Variants in HTR1E observed in about 807,000 individuals in gnomAD.
The protein encoded by HTR1E is 5-HT-1E.
A neutral mutation model predicts 3.4 loss-of-function variants in HTR1E; 3 were observed. The observed-to-expected ratio is 0.89, with a 90% CI of 0.41 to 2.31. HTR1E has a LOEUF of 2.31. Among genes scored for constraint, HTR1E ranks in the 30% most tolerant of loss-of-function variants. The probability of loss-of-function intolerance (pLI) is 0.05; values close to 1 mark genes in which losing one functional copy is unlikely to be tolerated. For missense variants in HTR1E, 392 were observed against 467.0 expected (o/e 0.84, Z 1.48); for synonymous variants, 170 against 182.8 (o/e 0.93, Z 0.56).
At chr6:86,987,506 T>C (rs1290726645) in intron 1 of HTR1E, among the ~76,000 whole-genome samples, 1 of 152,050 alleles carries the variant, frequency 6.6e-6, no homozygotes, top group Non-Finnish European at 1.5e-5. Flanking sequence ...TAGAAACATA[T>C]ATATATATAT....
chr6:86,958,395 C>G (rs564560771), intron 1 of HTR1E, among the ~76,000 whole-genome samples: 1 of 152,250 alleles, frequency 6.6e-6, no homozygotes, highest in South Asian at 2.1e-4. Context: ...CACAATGACC[C>G]CAAACATTCT....
At chr6:86,942,686 A>G (rs1336053609) in intron 1 of HTR1E, among the ~76,000 whole-genome samples, 1 of 152,252 alleles carries the variant, frequency 6.6e-6, no homozygotes, top group African/African-American at 2.4e-5. Context: ...ATTGGCAAGC[A>G]TATTTTATTT....
intron 1 of HTR1E, among the ~76,000 whole-genome samples, chr6:86,952,508 C>G (rs1258314234): frequency 6.6e-6 from 1 of 151,902 alleles, no homozygotes; most frequent in East Asian, 1.9e-4. Flanking sequence ...GACACACACA[C>G]ACACACACAC....
Position 87,001,146 on chromosome 6 carries a change from A to T in HTR1E, c.-185-14004A>T, listed in dbSNP as rs376679372. Among the ~76,000 whole-genome samples the T allele has an allele frequency of 1.2e-4, 19 of 152,320 alleles. 1 individual carries two copies. The East Asian group carries it at 3.1e-3, about 25-fold the overall frequency. ...AGCCTCATGGTAACCAAAAATCAAA[A>T]AATATATAACAAAGACACAAAAAAG... On this transcript the variant is annotated intron_variant, in intron 1 of 1. Coordinates refer to ENST00000305344, the MANE Select transcript of HTR1E (RefSeq NM_000865.3).
At chr6:86,966,032 C>A (rs1331214846) in intron 1 of HTR1E, among the ~76,000 whole-genome samples, 8 of 151,828 alleles carry the variant, frequency 5.3e-5, no homozygotes, top group Non-Finnish European at 8.8e-5. Flanking sequence ...TTCTCTAACA[C>A]CCACAAAAAA....
At chr6:87,013,016 G>T (rs146837577) in intron 1 of HTR1E, among the ~76,000 whole-genome samples, 41 of 152,284 alleles carry the variant, frequency 2.7e-4, no homozygotes, top group Non-Finnish European at 5.3e-4. Flanking sequence ...TCTAATGGAG[G>T]AACCAGATCC....
rs146287737 is a variant in HTR1E, at chr6:86,961,243, A to G, written c.-186+23420A>G. ...GGGATTTTTCATCTGTTTTAAAATC[A>G]TCTCCTCATGCCTTTACAATTAAAA... On this transcript the variant is annotated intron_variant, in intron 1 of 1. Coordinates refer to ENST00000305344, the MANE Select transcript of HTR1E (RefSeq NM_000865.3). Among the ~76,000 whole-genome samples, 4 of 152,318 alleles carry G rather than the reference A, an allele frequency of 2.6e-5. No homozygotes were observed. The East Asian group carries it at 7.7e-4, about 29-fold the overall frequency.
chr6:86,981,228 C>T (rs925644989), intron 1 of HTR1E, among the ~76,000 whole-genome samples: 8 of 152,206 alleles, frequency 5.3e-5, no homozygotes, highest in Non-Finnish European at 1.2e-4. Flanking sequence ...TTGCTGCTTA[C>T]TGACTGCTCT....
At chr6:87,004,884 C>T (rs1768079327) in intron 1 of HTR1E, among the ~76,000 whole-genome samples, 4 of 152,038 alleles carry the variant, frequency 2.6e-5, no homozygotes, top group Admixed American at 2.6e-4. Flanking sequence ...TACACAAATA[C>T]AATCAAGTCA....
intron 1 of HTR1E, chr6:86,970,351 G>A (rs1767532172): frequency 1.3e-5 from 2 of 152,218 alleles, no homozygotes. Flanking sequence ...TTCAAATCTA[G>A]GCTGACCCGG....
intron 1 of HTR1E, among the ~76,000 whole-genome samples, chr6:87,014,003 C>G (rs1008438680): frequency 2.6e-5 from 4 of 151,992 alleles, no homozygotes; most frequent in Non-Finnish European, 5.9e-5. Flanking sequence ...AGCAAACTAT[C>G]GCAAGGACAG....
rs906764870 is a variant in HTR1E, at chr6:86,985,812, T to A, written c.-185-29338T>A. The stretch of plus-strand genomic sequence containing the variant: ...GTTTGGAGAACTGAATAAAATTCAA[T>A]GTGTGCATCAACTTGCTTCTTTTAA... On this transcript the variant is annotated intron_variant, in intron 1 of 1. Transcript: ENST00000305344. Among the ~76,000 whole-genome samples the A allele has an allele frequency of 3.3e-5, 5 of 152,204 alleles. No individual in the cohort carries two copies. In the East Asian group the frequency reaches 9.6e-4, roughly 29 times the overall value.
Position 86,948,185 on chromosome 6 carries a change from C to T in HTR1E, c.-186+10362C>T, listed in dbSNP as rs765048341. Among the ~76,000 whole-genome samples the T allele has an allele frequency of 2.0e-5, 3 of 152,314 alleles. No homozygotes were observed. The South Asian group carries it at 6.2e-4, about 32-fold the overall frequency. ...TGCCGAGAATGATGGCTTCCAGCTT[C>T]ATCCATGTCCCTGCAAAGGACATGA... On this transcript the variant is annotated intron_variant, in intron 1 of 1. Coordinates refer to ENST00000305344, the MANE Select transcript of HTR1E (RefSeq NM_000865.3).
chr6:86,971,146 G>T, intron 1 of HTR1E: 1 of 507,848 alleles, frequency 2.0e-6, no homozygotes, highest in Non-Finnish European at 3.9e-6. Flanking sequence ...GGAGATGCTG[G>T]CAACAGAGAA....
chr6:86,994,868 A>C (rs951978547), intron 1 of HTR1E, among the ~76,000 whole-genome samples: 1 of 152,124 alleles, frequency 6.6e-6, no homozygotes, highest in Admixed American at 6.6e-5. Context: ...AAAGGAAGTA[A>C]GGTTTCTATA....
intron 1 of HTR1E, among the ~76,000 whole-genome samples, chr6:86,972,900 T>G (rs1206796156): frequency 6.6e-6 from 1 of 152,204 alleles, no homozygotes; most frequent in Non-Finnish European, 1.5e-5. Flanking sequence ...GAACAAATTC[T>G]GTTTTCATAA....
chr6:87,009,809 G>T (rs1387831667), intron 1 of HTR1E, among the ~76,000 whole-genome samples: 4 of 127,402 alleles, frequency 3.1e-5, no homozygotes, highest in Non-Finnish European at 6.5e-5. Flanking sequence ...CCTCCCGGAC[G>T]GGGCGGCTGG....
chr6:87,001,767 G>A (rs1768027089), intron 1 of HTR1E, among the ~76,000 whole-genome samples: 1 of 152,230 alleles, frequency 6.6e-6, no homozygotes, highest in East Asian at 1.9e-4. Context: ...ATTTCCTGAG[G>A]AAGGAACTCA....
intron 1 of HTR1E, among the ~76,000 whole-genome samples, chr6:86,939,972 A>C (rs1172605336): frequency 6.6e-6 from 1 of 152,228 alleles, no homozygotes; most frequent in East Asian, 1.9e-4. Flanking sequence ...AATCATGTAA[A>C]TAAGTTTCCA....
Sources: gnomAD v4.1 joint callset for allele counts (sites outside exome capture counted in the v4.1 genomes callset) on GRCh38, gnomAD v4.1.1 for gene constraint, MANE v1.5 for transcripts, NCBI Gene and HGNC (gene_info 2026-07-23, HGNC 2026-07-21) for gene names.